ACOXL: variants seen among roughly 807,000 people sequenced by gnomAD.
ACOXL encodes acyl-CoA oxidase like.
A neutral mutation model predicts 71.9 loss-of-function variants in ACOXL; 70 were observed. The ratio of observed to expected loss-of-function variants is 0.97; its 90% CI spans 0.80 to 1.19. ACOXL has a LOEUF of 1.19. Ranked by LOEUF, ACOXL falls within the 50% of genes most tolerant of loss-of-function variation. The probability of loss-of-function intolerance (pLI) is 0.00; values close to 1 mark genes in which losing one functional copy is unlikely to be tolerated. For synonymous variants in ACOXL, 253 were observed against 281.6 expected, an observed-to-expected ratio of 0.90 and a Z score of 1.02; for missense variants, 703 against 736.3, an observed-to-expected ratio of 0.95 and a Z score of 0.52.
chr2:110,916,484 C>T (rs1350862652), intron 11 of ACOXL, among the ~76,000 whole-genome samples: 1 of 152,074 alleles, frequency 6.6e-6, no homozygotes, highest in Non-Finnish European at 1.5e-5. Context: ...GACACACTAA[C>T]ATCACAATTA....
At chr2:110,983,889 G>A (rs1432922985) in intron 12 of ACOXL, among the ~76,000 whole-genome samples, 2 of 151,916 alleles carry the variant, frequency 1.3e-5, no homozygotes, top group African/African-American at 4.8e-5. Flanking sequence ...TCACTCTGTC[G>A]CCCAGGCTGG....
At chr2:110,981,471 G>T (rs1353341919) in intron 12 of ACOXL, among the ~76,000 whole-genome samples, 1 of 152,156 alleles carries the variant, frequency 6.6e-6, no homozygotes, top group Non-Finnish European at 1.5e-5. Flanking sequence ...TGGGGTGAGC[G>T]ATTCCATGAA....
intron 12 of ACOXL, chr2:110,963,607 TTCTC>T: frequency 6.2e-7 from 1 of 1,606,412 alleles, no homozygotes; most frequent in East Asian, 2.3e-5. Flanking sequence ...GTGTGTGTTT[TTCTC>T]TTTCTGCAAC....
At chr2:110,980,856 G>C (rs1017401855) in intron 12 of ACOXL, among the ~76,000 whole-genome samples, 1 of 152,198 alleles carries the variant, frequency 6.6e-6, no homozygotes, top group Non-Finnish European at 1.5e-5. Context: ...TTCCTTCTCA[G>C]ATTGAGAATT....
chr2:110,832,530 G>T (rs1302197288), intron 9 of ACOXL, among the ~76,000 whole-genome samples: 2 of 143,570 alleles, frequency 1.4e-5, no homozygotes, highest in Non-Finnish European at 1.5e-5. Context: ...GGGCGACAGA[G>T]CGAGACTCCA....
intron 10 of ACOXL, among the ~76,000 whole-genome samples, chr2:110,871,982 G>A (rs941529462): frequency 6.6e-6 from 1 of 152,220 alleles, no homozygotes; most frequent in Non-Finnish European, 1.5e-5. Flanking sequence ...GCATTCAACT[G>A]TAATGATTGT....
At chr2:110,865,404 G>A (rs1694462248) in intron 10 of ACOXL, among the ~76,000 whole-genome samples, 1 of 152,068 alleles carries the variant, frequency 6.6e-6, no homozygotes, top group Non-Finnish European at 1.5e-5. Flanking sequence ...TGCATTTCTC[G>A]ATCTTTGAAC....
chr2:110,999,991 G>A (rs1452481280), intron 14 of ACOXL, among the ~76,000 whole-genome samples: 1 of 152,188 alleles, frequency 6.6e-6, no homozygotes, highest in Non-Finnish European at 1.5e-5. Context: ...TTGCACAGCA[G>A]CAGATACCTA....
intron 1 of ACOXL, among the ~76,000 whole-genome samples, chr2:110,743,516 G>A (rs146105942): frequency 6.6e-6 from 1 of 152,226 alleles, no homozygotes; most frequent in Non-Finnish European, 1.5e-5. Flanking sequence ...TGAAATAAGG[G>A]TGCAAGGGTT....
chr2:110,746,405 C>A (rs1678211071), intron 1 of ACOXL, among the ~76,000 whole-genome samples: 2 of 152,016 alleles, frequency 1.3e-5, no homozygotes, highest in Non-Finnish European at 2.9e-5. Context: ...ATCTCAGACC[C>A]CAAGATCCAA....
rs529535446 is a variant in ACOXL at position 110,789,954 on chromosome 2, C to T, written c.160-3696C>T. Among the ~76,000 whole-genome samples, 7 of 152,352 alleles carry T rather than the reference C, an allele frequency of 4.6e-5. No homozygotes were observed. In the East Asian group the frequency reaches 1.4e-3, roughly 29 times the overall value. Reference sequence around the variant, plus strand: ...CCTCACGGGTCCACTGGGACAGGGGCACACTCAGAACAACAGAGTTGTACA... The same window carrying T: ...CCTCACGGGTCCACTGGGACAGGGGTACACTCAGAACAACAGAGTTGTACA... On this transcript the variant is annotated intron_variant, in intron 3 of 17. Transcript: ENST00000439055.
chr2:111,110,534 G>A (rs899775023), intron 17 of ACOXL, among the ~76,000 whole-genome samples: 8 of 152,146 alleles, frequency 5.3e-5, no homozygotes, highest in African/African-American at 1.7e-4. Flanking sequence ...CCAAGTGTTT[G>A]TTTCTGTGCT....
chr2:110,933,691 C>G (rs1364490200), intron 12 of ACOXL, 49 bp downstream of exon 12: 4 of 1,561,986 alleles, frequency 2.6e-6, no homozygotes, highest in Admixed American at 1.9e-5. Flanking sequence ...ATACAACCCA[C>G]ACTGGGGGAG....
Position 110,943,328 on chromosome 2 carries a change from G to A in ACOXL, c.1059+9686G>A, listed in dbSNP as rs550012762. On this transcript the variant is annotated intron_variant, in intron 12 of 17. Transcript: ENST00000439055. ...GAGAGAAAGAGAAAAAGAAAAAGAA[G>A]GAAAGGAAGGAGGGAAGGGGAAGGA... 3.4e-4 allele frequency among the ~76,000 whole-genome samples: 51 copies of A among 150,816 alleles called. No homozygotes were observed. The South Asian group carries it at 0.011, about 32-fold the overall frequency.
At chr2:110,887,181 A>G in intron 10 of ACOXL, 1 of 274,210 alleles carries the variant, frequency 3.6e-6, no homozygotes, top group South Asian at 7.0e-5. Context: ...GATCTCCCTG[A>G]TATGGAAAGT....
intron 1 of ACOXL, among the ~76,000 whole-genome samples, chr2:110,756,953 G>A (rs1310600835): frequency 1.3e-5 from 2 of 151,844 alleles, no homozygotes; most frequent in Non-Finnish European, 2.9e-5. Flanking sequence ...TTGTTACATA[G>A]GTAAACGTGG....
intron 11 of ACOXL, among the ~76,000 whole-genome samples, chr2:110,922,913 A>G (rs983649264): frequency 6.6e-6 from 1 of 152,146 alleles, no homozygotes; most frequent in African/African-American, 2.4e-5. Context: ...AATTGCCCCC[A>G]AGGACCTTCT....
chr2:111,059,078 A>G (rs2066682026), intron 16 of ACOXL, among the ~76,000 whole-genome samples: 1 of 152,196 alleles, frequency 6.6e-6, no homozygotes, highest in South Asian at 2.1e-4. Context: ...AAAAAATTCT[A>G]AAAAGTAAAT....
chr2:110,967,250 C>G (rs1484557041), intron 12 of ACOXL, among the ~76,000 whole-genome samples: 1 of 152,130 alleles, frequency 6.6e-6, no homozygotes, highest in African/African-American at 2.4e-5. Context: ...ACTGAATTAA[C>G]AAACTTGCAG....
Sources: gnomAD v4.1 joint callset for allele counts (sites outside exome capture counted in the v4.1 genomes callset) on GRCh38, gnomAD v4.1.1 for gene constraint, MANE v1.5 for transcripts, NCBI Gene and HGNC (gene_info 2026-07-23, HGNC 2026-07-21) for gene names.